Variants in FAF1 observed in about 807,000 individuals in gnomAD.
FAF1 encodes FAS-associated factor 1.
A neutral mutation model predicts 92.5 loss-of-function variants in FAF1; 25 were observed. That is an observed-to-expected ratio of 0.27 (90% CI 0.20 to 0.38). FAF1 has a LOEUF of 0.38. Ranked by LOEUF, FAF1 falls within the 10% of genes least tolerant of loss-of-function variation. FAF1 has a pLI of 1.00. For missense variants in FAF1, 636 were observed against 793.3 expected (o/e 0.80, Z 2.38); for synonymous variants, 234 against 273.2 (o/e 0.86, Z 1.42).
At chr1:50,529,135 G>A (rs916206872) in intron 15 of FAF1, among the ~76,000 whole-genome samples, 13 of 152,116 alleles carry the variant, frequency 8.5e-5, no homozygotes, top group Admixed American at 7.9e-4. Context: ...TTGTTTAAGA[G>A]TTAACTGTAG....
At chr1:50,721,420 G>T (rs1658406614) in intron 6 of FAF1, among the ~76,000 whole-genome samples, 2 of 151,882 alleles carry the variant, frequency 1.3e-5, no homozygotes, top group South Asian at 4.2e-4. Flanking sequence ...TCACCATATT[G>T]GCCAGGATGA....
At chr1:50,532,014 C>A (rs1648200321) in intron 15 of FAF1, among the ~76,000 whole-genome samples, 1 of 152,042 alleles carries the variant, frequency 6.6e-6, no homozygotes, top group South Asian at 2.1e-4. Context: ...AAAATAAAGG[C>A]AAATTCACAA....
At chr1:50,825,094 A>G (rs1227797813) in intron 2 of FAF1, among the ~76,000 whole-genome samples, 1 of 152,142 alleles carries the variant, frequency 6.6e-6, no homozygotes, top group Non-Finnish European at 1.5e-5. Context: ...AAATAGCTAG[A>G]AGAGAAGATT....
intron 1 of FAF1, among the ~76,000 whole-genome samples, chr1:50,867,908 C>T (rs1184270020): frequency 1.3e-5 from 2 of 152,012 alleles, no homozygotes; most frequent in Non-Finnish European, 2.9e-5. Flanking sequence ...TTTGCAATTA[C>T]AAAAATATGG....
intron 17 of FAF1, among the ~76,000 whole-genome samples, chr1:50,483,498 A>C (rs1464470804): frequency 3.3e-5 from 5 of 152,224 alleles, no homozygotes; most frequent in African/African-American, 9.6e-5. Flanking sequence ...TCAGTTTATC[A>C]ATCTCTATAG....
intron 17 of FAF1, among the ~76,000 whole-genome samples, chr1:50,478,426 G>C (rs899857561): frequency 6.6e-6 from 1 of 152,102 alleles, no homozygotes; most frequent in African/African-American, 2.4e-5. Flanking sequence ...GTCTCCCAAA[G>C]TGCTGGGATT....
chr1:50,587,025 A>G (rs1489126831), intron 9 of FAF1, among the ~76,000 whole-genome samples: 2 of 152,006 alleles, frequency 1.3e-5, no homozygotes, highest in Non-Finnish European at 2.9e-5. Flanking sequence ...CTTGCCTAGT[A>G]CTCACCCCCT....
At chr1:50,693,684 A>G (rs1382051339) in intron 7 of FAF1, among the ~76,000 whole-genome samples, 1 of 152,156 alleles carries the variant, frequency 6.6e-6, no homozygotes, top group Non-Finnish European at 1.5e-5. Context: ...ACGGCAACAG[A>G]AAACGCTATT....
At chr1:50,456,983 G>A (rs955848783) in intron 18 of FAF1, among the ~76,000 whole-genome samples, 18 of 152,090 alleles carry the variant, frequency 1.2e-4, no homozygotes, top group African/African-American at 3.9e-4. Context: ...AGCCATTTCT[G>A]CTTTTGGTTT....
chr1:50,703,976 G>A (rs540875000), intron 7 of FAF1, among the ~76,000 whole-genome samples: 1 of 152,154 alleles, frequency 6.6e-6, no homozygotes, highest in East Asian at 1.9e-4. Context: ...TTTTCCCATC[G>A]AAACAGTAAT....
At chr1:50,484,352 G>A (rs1646736699) in intron 17 of FAF1, among the ~76,000 whole-genome samples, 1 of 152,150 alleles carries the variant, frequency 6.6e-6, no homozygotes. Flanking sequence ...CTGTGATTTG[G>A]ACACCATGAA....
intron 8 of FAF1, among the ~76,000 whole-genome samples, chr1:50,625,014 G>A (rs1653431402): frequency 6.7e-6 from 1 of 149,660 alleles, no homozygotes. Flanking sequence ...AGATTCTCCT[G>A]CCTCAGCCTC....
At chr1:50,549,775 A>AAAAAAC (rs754427345) in intron 13 of FAF1, among the ~76,000 whole-genome samples, 17 of 152,010 alleles carry the variant, frequency 1.1e-4, no homozygotes, top group South Asian at 4.2e-4. Flanking sequence ...ACTCCATCTC[A>AAAAAAC]AAAAACAAAA....
intron 8 of FAF1, among the ~76,000 whole-genome samples, chr1:50,621,354 G>C (rs1653192477): frequency 6.8e-6 from 1 of 147,850 alleles, no homozygotes; most frequent in Non-Finnish European, 1.5e-5. Context: ...ATATGCCCCA[G>C]TCTTACGGGG....
At chr1:50,588,442 T>C (rs1046838053) in intron 9 of FAF1, among the ~76,000 whole-genome samples, 3 of 152,328 alleles carry the variant, frequency 2.0e-5, no homozygotes, top group African/African-American at 7.2e-5. Flanking sequence ...CAAAGGTGTC[T>C]GTGCATTTGA....
At chr1:50,687,444 A>C (rs916767367) in intron 7 of FAF1, among the ~76,000 whole-genome samples, 1 of 152,054 alleles carries the variant, frequency 6.6e-6, no homozygotes, top group Non-Finnish European at 1.5e-5. Context: ...TGGTCAATAA[A>C]CACATGAAAT....
chr1:50,443,854 T>C (rs1414097712), intron 18 of FAF1, among the ~76,000 whole-genome samples: 2 of 152,156 alleles, frequency 1.3e-5, no homozygotes, highest in Non-Finnish European at 2.9e-5. Context: ...CCTGGAACCC[T>C]GATCTATACC....
At chr1:50,499,616 T>C (rs960009252) in intron 15 of FAF1, among the ~76,000 whole-genome samples, 2 of 152,152 alleles carry the variant, frequency 1.3e-5, no homozygotes, top group African/African-American at 4.8e-5. Flanking sequence ...ATAAAATGAT[T>C]AGAAATGTGG....
At chr1:50,853,309 GA>G (rs1644365702) in intron 2 of FAF1, among the ~76,000 whole-genome samples, 1 of 152,124 alleles carries the variant, frequency 6.6e-6, no homozygotes, top group African/African-American at 2.4e-5. Flanking sequence ...ATCTTAAAAT[GA>G]GGCAGATTAT....
Sources: allele counts gnomAD v4.1 joint callset (sites outside exome capture counted in the v4.1 genomes callset), GRCh38; gene constraint gnomAD v4.1.1; transcripts MANE v1.5; gene names NCBI Gene and HGNC (gene_info 2026-07-23, HGNC 2026-07-21).